The following TMEM233 variants were observed in gnomAD, a reference collection of about 807,000 sequenced individuals.
TMEM233 encodes the protein transmembrane protein 233.
A neutral mutation model predicts 11.2 loss-of-function variants in TMEM233; 6 were observed. That is an observed-to-expected ratio of 0.54 (90% CI 0.29 to 1.06). The LOEUF (loss-of-function observed/expected upper bound fraction) is 1.06. Among genes scored for constraint, TMEM233 ranks in the 50% least tolerant of loss-of-function variants. The pLI, the probability that TMEM233 is intolerant of heterozygous loss-of-function variation, is 0.08. For missense variants in TMEM233, 127 were observed against 144.7 expected, an observed-to-expected ratio of 0.88 and a Z score of 0.63; for synonymous variants, 59 against 55.8, an observed-to-expected ratio of 1.06 and a Z score of -0.26.
At chr12:119,639,461 G>A (rs1380121948) in intron 2 of TMEM233, among the ~76,000 whole-genome samples, 7 of 146,742 alleles carry the variant, frequency 4.8e-5, no homozygotes, top group Non-Finnish European at 6.0e-5. Flanking sequence ...ACTAAAAATA[G>A]AAAAAAAAAA....
chr12:119,644,478 C>CTT (rs58075242), downstream of TMEM233, among the ~76,000 whole-genome samples: 12 of 126,998 alleles, frequency 9.4e-5, no homozygotes, highest in Non-Finnish European at 1.5e-4. Flanking sequence ...TTTTTCTTTT[C>CTT]TTTTTTTTTT....
chr12:119,652,586 C>A, the TMEM233 span, among the ~76,000 whole-genome samples: 1 of 152,146 alleles, frequency 6.6e-6, no homozygotes, highest in Non-Finnish European at 1.5e-5. Flanking sequence ...GCAGCAGAAT[C>A]ACAGGTTAGA....
chr12:119,613,464 A>C (rs2893796), intron 1 of TMEM233, among the ~76,000 whole-genome samples: 1 of 151,956 alleles, frequency 6.6e-6, no homozygotes, highest in Non-Finnish European at 1.5e-5. Flanking sequence ...GCACAAAGGA[A>C]ATAAATCAGG....
At chr12:119,616,345 A>G (rs570033355) in intron 1 of TMEM233, among the ~76,000 whole-genome samples, 3 of 152,366 alleles carry the variant, frequency 2.0e-5, no homozygotes, top group East Asian at 1.9e-4. Flanking sequence ...CTCTTGTTCT[A>G]TAAGATCCAT....
At chr12:119,626,574 G>T (rs1364919343) in intron 1 of TMEM233, among the ~76,000 whole-genome samples, 1 of 143,112 alleles carries the variant, frequency 7.0e-6, no homozygotes, top group African/African-American at 2.8e-5. Context: ...GAGAAGAGAA[G>T]AGAAGAGAAG....
intron 1 of TMEM233, among the ~76,000 whole-genome samples, chr12:119,597,920 G>A (rs112908551): frequency 6.7e-4 from 102 of 152,256 alleles, no homozygotes; most frequent in African/African-American, 2.2e-3. Flanking sequence ...ATTTGAATAT[G>A]GCACATTTTC....
chr12:119,622,326 G>A (rs557104112), intron 1 of TMEM233, among the ~76,000 whole-genome samples: 5 of 152,194 alleles, frequency 3.3e-5, no homozygotes, highest in Admixed American at 3.3e-4. Flanking sequence ...GACTGCATGT[G>A]CTTCTATAGC....
intron 1 of TMEM233, among the ~76,000 whole-genome samples, chr12:119,627,947 C>G (rs1390529869): frequency 6.6e-6 from 1 of 152,048 alleles, no homozygotes; most frequent in East Asian, 1.9e-4. Context: ...CCAGAAGTTA[C>G]TACCCCTTAT....
In TMEM233 at chr12:119,640,105, G is replaced by A. The variant is rs186469028; in HGVS notation, c.324-594G>A. Among the ~76,000 whole-genome samples the A allele has an allele frequency of 1.3e-3, 204 of 152,198 alleles. 1 individual carries two copies. Among genetic ancestry groups the A allele is most frequent in the Admixed American group, 9.9e-3 (151 of 15,290 alleles). On this transcript the variant is annotated intron_variant, in intron 2 of 2. Coordinates refer to ENST00000426426, the MANE Select transcript of TMEM233 (RefSeq NM_001136534.3). Reference sequence around the variant, plus strand: ...ATCCTTGGGGAGGAGAGTGAGGTTCGGAAATGCTCAAGAGGCATTTTTCCA... The same window carrying A: ...ATCCTTGGGGAGGAGAGTGAGGTTCAGAAATGCTCAAGAGGCATTTTTCCA...
chr12:119,646,183 G>A (rs530598525), downstream of TMEM233, among the ~76,000 whole-genome samples: 33 of 151,618 alleles, frequency 2.2e-4, no homozygotes, highest in African/African-American at 7.0e-4. Flanking sequence ...TCAGCCTCCC[G>A]AGTAGCTGGG....
downstream of TMEM233, among the ~76,000 whole-genome samples, chr12:119,645,202 AC>A (rs1010756440): frequency 6.6e-6 from 1 of 151,072 alleles, no homozygotes; most frequent in Non-Finnish European, 1.5e-5. Context: ...TCAGCAAATT[AC>A]CTTTGGCCTA....
At chr12:119,635,691 C>T (rs1212340959) in intron 2 of TMEM233, among the ~76,000 whole-genome samples, 3 of 152,180 alleles carry the variant, frequency 2.0e-5, no homozygotes, top group Non-Finnish European at 4.4e-5. Flanking sequence ...ATTTCAGATG[C>T]TAATTGCAAG....
intron 2 of TMEM233, chr12:119,631,047 G>A (rs34500179): frequency 0.33 from 50,583 of 152,010 alleles, 8,948 homozygotes; most frequent in African/African-American, 0.4. Context: ...AACACTTTCC[G>A]TCAGAGGTTT....
rs1276038177 is a variant in TMEM233 at position 119,593,847 on chromosome 12, C to G, written c.-2C>G. Reference sequence around the variant, plus strand: ...GCCCTCCCGGCGCCGCCGGCCTCGCCCATGTCTCAGTACGCCCCTAGCCCG... The same window carrying G: ...GCCCTCCCGGCGCCGCCGGCCTCGCGCATGTCTCAGTACGCCCCTAGCCCG... On this transcript the variant is annotated 5_prime_UTR_variant, in exon 1 of 3. Transcript: ENST00000426426. The surrounding 1 kb of genome is among the most constrained non-coding windows in gnomAD (Gnocchi z 4.1). The G allele has an allele frequency of 1.3e-6, 2 of 1,551,042 alleles. No homozygotes were observed. The highest frequency in any genetic ancestry group is 1.7e-6 in the Non-Finnish European group (2 of 1,146,644).
rs1430576117 is a variant in TMEM233, at chr12:119,601,677, A to G, written c.186+7643A>G. Among the ~76,000 whole-genome samples the G allele has an allele frequency of 5.0e-5, 7 of 139,556 alleles. No homozygotes were observed. In the South Asian group the frequency reaches 9.3e-4, roughly 19 times the overall value. The allele number at this position is 139,556 out of a possible 152,430, so 91.6% of individuals were successfully genotyped here. A position where few individuals can be genotyped will look rare whatever the true frequency, so the allele number is the denominator to read the frequency against. ...CGCCTCAAAAAAAAAAAAAAAAAAA[A>G]TAGTGAAAAGATGACTTCAAAAATC... On this transcript the variant is annotated intron_variant, in intron 1 of 2. Transcript: ENST00000426426.
rs1180421167 is a variant in TMEM233 at position 119,594,776 on chromosome 12, T to C, written c.186+742T>C. 1.3e-5 allele frequency among the ~76,000 whole-genome samples: 2 copies of C among 152,130 alleles called. No homozygotes were observed. Among genetic ancestry groups the C allele is most frequent in the Non-Finnish European group, 2.9e-5 (2 of 68,020 alleles). On this transcript the variant is annotated intron_variant, in intron 1 of 2. Transcript: ENST00000426426. The surrounding 1 kb of genome is among the most constrained non-coding windows in gnomAD (Gnocchi z 5.6). ...CACACCCACTACCTCTTTAGGCCTT[T>C]CTTAGGCTCCCCGTGTGCCCCCCTC...
chr12:119,633,248 T>A (rs538086141), intron 2 of TMEM233, among the ~76,000 whole-genome samples: 2 of 152,208 alleles, frequency 1.3e-5, no homozygotes, highest in South Asian at 4.1e-4. Flanking sequence ...TCCCCATCTG[T>A]AAGGTCAAAT....
chr12:119,647,515 A>G (rs1955169347), downstream of TMEM233, among the ~76,000 whole-genome samples: 1 of 152,194 alleles, frequency 6.6e-6, no homozygotes, highest in Non-Finnish European at 1.5e-5. Flanking sequence ...TCCCCTAGAT[A>G]TGGGCTCTAG....
intron 2 of TMEM233, among the ~76,000 whole-genome samples, chr12:119,635,147 C>G (rs545050483): frequency 1.3e-5 from 2 of 152,172 alleles, no homozygotes; most frequent in Admixed American, 1.3e-4. Context: ...GTAATTCAAA[C>G]CCCTAGTCAA....
Sources: allele counts gnomAD v4.1 joint callset (sites outside exome capture counted in the v4.1 genomes callset), GRCh38; gene constraint gnomAD v4.1.1; non-coding constraint Gnocchi (gnomAD v3.1); transcripts MANE v1.5; gene names NCBI Gene and HGNC (gene_info 2026-07-23, HGNC 2026-07-21).